SLC45A1: variants seen among roughly 807,000 people sequenced by gnomAD.
SLC45A1 encodes proton-associated sugar transporter A.
Under a neutral mutation model 57.6 loss-of-function variants are expected in SLC45A1, and 28 were observed. The ratio of observed to expected loss-of-function variants is 0.49; its 90% CI spans 0.36 to 0.67. SLC45A1 has a LOEUF of 0.67. Ranked by LOEUF, SLC45A1 falls within the 30% of genes least tolerant of loss-of-function variation. The pLI is 0.00. For synonymous variants in SLC45A1, 459 were observed against 471.5 expected, an observed-to-expected ratio of 0.97 and a Z score of 0.34; for missense variants, 814 against 1,041.5, an observed-to-expected ratio of 0.78 and a Z score of 3.01.
rs75155683 is a variant in SLC45A1, at chr1:8,318,588, G to A, written c.-25+402G>A. Among the ~76,000 whole-genome samples, 687 of 152,308 alleles carry A rather than the reference G, an allele frequency of 4.5e-3. 6 individuals carry two copies. The highest frequency in any genetic ancestry group is 0.016 in the African/African-American group (660 of 41,574). ...TCTTGTTGACCAGGGGCCTGGCAAC[G>A]CCCCTCAGCATCCCAGGGTTACTTA... is the stretch of plus-strand genomic sequence containing the variant. On this transcript the variant is annotated intron_variant, in intron 1 of 8. Coordinates refer to ENST00000471889, the MANE Select transcript of SLC45A1 (RefSeq NM_001080397.3).
chr1:8,332,786 C>T (rs994356190), intron 5 of SLC45A1, among the ~76,000 whole-genome samples: 14 of 152,274 alleles, frequency 9.2e-5, no homozygotes, highest in African/African-American at 3.4e-4. Context: ...GCTGGGATTA[C>T]AGGCGTGAGC....
rs561877226 is a variant in SLC45A1 at position 8,328,123 on chromosome 1, G to A, written c.715+2081G>A. On this transcript the variant is annotated intron_variant, in intron 4 of 8. Coordinates refer to ENST00000471889, the MANE Select transcript of SLC45A1 (RefSeq NM_001080397.3). This position sits in a 1 kb window ranked among gnomAD's most constrained non-coding sequence, Gnocchi z 4.6. Reference sequence around the variant, plus strand: ...TGATTGCCCACAGTCAGTTACAGATGGAACTCCTTCCTCTACTCTTTCCCC... The same window carrying A: ...TGATTGCCCACAGTCAGTTACAGATAGAACTCCTTCCTCTACTCTTTCCCC... The A allele has an allele frequency of 3.3e-5, 5 of 152,198 alleles. No homozygotes were observed. The highest frequency in any genetic ancestry group is 7.3e-5 in the Non-Finnish European group (5 of 68,050). The allele number at this position is 152,198 out of a possible 1,614,324, so 9.4% of individuals were successfully genotyped here.
In SLC45A1 at chr1:8,324,289, A is replaced by C; in HGVS notation, c.-24-17A>C. On this transcript the variant is annotated splice_polypyrimidine_tract_variant and intron_variant, in intron 1 of 8. Transcript: ENST00000471889. ...AGGCAAAAGTAACTGTGGCCTCCCC[A>C]CGGGCTTTCCTCACAGGGACGCCCA... 2.5e-6 allele frequency: 4 copies of C among 1,595,484 alleles called. No individual in the cohort carries two copies. In the South Asian group the frequency reaches 4.5e-5, roughly 18 times the overall value.
At chr1:8,331,099 G>C (rs1640392530) in intron 5 of SLC45A1, among the ~76,000 whole-genome samples, 163 bp downstream of exon 5, 1 of 152,184 alleles carries the variant, frequency 6.6e-6, no homozygotes, top group South Asian at 2.1e-4. Context: ...TTAGAGGCCA[G>C]GTGCGGTGGC....
Position 8,324,291 on chromosome 1 carries a change from G to C in SLC45A1, c.-24-15G>C. The C allele has an allele frequency of 6.3e-7, 1 of 1,596,518 alleles. No homozygotes were observed. The highest frequency in any genetic ancestry group is 1.3e-5 in the African/African-American group (1 of 74,682). ...GCAAAAGTAACTGTGGCCTCCCCAC[G>C]GGCTTTCCTCACAGGGACGCCCACC... is the stretch of plus-strand genomic sequence containing the variant. On this transcript the variant is annotated splice_polypyrimidine_tract_variant and intron_variant, in intron 1 of 8. Transcript: ENST00000471889.
At chr1:8,336,749 A>G (rs1004064323) in intron 6 of SLC45A1, among the ~76,000 whole-genome samples, 1 of 152,164 alleles carries the variant, frequency 6.6e-6, no homozygotes, top group Non-Finnish European at 1.5e-5. Flanking sequence ...CTATTTAATA[A>G]TTCTTGATGG....
intron 1 of SLC45A1, among the ~76,000 whole-genome samples, chr1:8,322,030 G>GATGA (rs1640029324): frequency 8.4e-6 from 1 of 119,340 alleles, no homozygotes; most frequent in Non-Finnish European, 1.8e-5. Flanking sequence ...TGGATGGATG[G>GATGA]GTGAGTGGGT....
At position 8,343,373 on chromosome 1, in the gene SLC45A1, C is replaced by T. The variant is rs867690461; in HGVS notation, c.1981-374C>T. ...AGGACTTTGGGGGTGTAGGGCAGGT[C>T]CCATCCTGGATGAAGGTGAAGGAGG... On this transcript the variant is annotated intron_variant, in intron 8 of 8. Transcript: ENST00000471889. This position sits in a 1 kb window ranked among gnomAD's most constrained non-coding sequence, Gnocchi z 7.7. Among the ~76,000 whole-genome samples, 1 of 152,088 alleles carries T rather than the reference C, an allele frequency of 6.6e-6. No individual in the cohort carries two copies. The highest frequency in any genetic ancestry group is 1.5e-5 in the Non-Finnish European group (1 of 68,020).
In SLC45A1 at chr1:8,327,936, CAGG is replaced by C. The variant is rs1277253388; in HGVS notation, c.715+1897_715+1899del. 6.6e-6 allele frequency: 1 copy of C among 152,226 alleles called. No homozygotes were observed. The highest frequency in any genetic ancestry group is 1.9e-4 in the East Asian group (1 of 5,202). The allele number at this position is 152,226 out of a possible 1,614,324, so 9.4% of individuals were successfully genotyped here. ...GTCCCAGCTACTCGGGAGGCTGAGG[CAGG>C]AGAATTGCTTGAACCCGGGAGGTGG... On this transcript the variant is annotated intron_variant, in intron 4 of 8. Coordinates refer to ENST00000471889, the MANE Select transcript of SLC45A1 (RefSeq NM_001080397.3). The surrounding 1 kb of genome is among the most constrained non-coding windows in gnomAD (Gnocchi z 4.3).
intron 1 of SLC45A1, among the ~76,000 whole-genome samples, chr1:8,321,874 G>A (rs1640016625): frequency 6.6e-6 from 1 of 151,364 alleles, no homozygotes; most frequent in Non-Finnish European, 1.5e-5. Context: ...AAGAGTGGCT[G>A]GTGGATGAAT....
chr1:8,343,982 A>G lies in SLC45A1; in HGVS notation c.2216A>G (p.Glu739Gly). Residue 739 changes from glutamate (E) to glycine (G), a missense_variant, in exon 9 of 9, where the codon GAG (glutamate) becomes GGG (glycine). Transcript: ENST00000471889. This position sits in a 1 kb window ranked among gnomAD's most constrained non-coding sequence, Gnocchi z 7.7. ...ATTCCTCCCAGCGACGCTGCAGACGAGGAGCACCGGCCCCTCCTGCTGAAC... is the reference window on the plus strand; with the variant it reads ...ATTCCTCCCAGCGACGCTGCAGACGGGGAGCACCGGCCCCTCCTGCTGAAC... ...YEIPPSDAADEEHRPLLLNV is the reference protein window; with the variant it reads ...YEIPPSDAADGEHRPLLLNV The G allele has an allele frequency of 5.0e-6, 8 of 1,612,972 alleles. No homozygotes were observed. The highest frequency in any genetic ancestry group is 6.8e-6 in the Non-Finnish European group (8 of 1,179,408).
rs143797861 is a variant in SLC45A1 at position 8,338,495 on chromosome 1, G to A, written c.1774+503G>A. ...CACAGTGCTGAGTTCACACCAGGGC[G>A]AAGCCGAGGTGCCATCCCCATGGGG... On this transcript the variant is annotated intron_variant, in intron 7 of 8. Transcript: ENST00000471889. 3.0e-3 allele frequency among the ~76,000 whole-genome samples: 450 copies of A among 152,390 alleles called. 3 individuals are homozygous for A. Among genetic ancestry groups the A allele is most frequent in the African/African-American group, 0.01 (425 of 41,598 alleles).
At position 8,337,816 on chromosome 1, in the gene SLC45A1, G is replaced by C. The variant is rs1640668520; in HGVS notation, c.1598G>C (p.Gly533Ala). The C allele has an allele frequency of 6.2e-7, 1 of 1,613,164 alleles. No individual in the cohort carries two copies. The highest frequency in any genetic ancestry group is 1.3e-5 in the African/African-American group (1 of 74,896). The change falls in exon 7 of 9, where the codon GGG becomes GCG. Residue 533 changes from glycine to alanine, a missense_variant and splice_region_variant. Gly to Ala is a moderately conservative substitution (Grantham distance 60). Coordinates refer to ENST00000471889, the MANE Select transcript of SLC45A1 (RefSeq NM_001080397.3). Reference sequence around the variant, plus strand: ...TCATGAACCTCTTTCTTTCTTCCAGGGTGGCTCTCATTCGAGGGGATGTTG... The same window carrying C: ...TCATGAACCTCTTTCTTTCTTCCAGCGTGGCTCTCATTCGAGGGGATGTTG... ...LRTLCVNHFLGWLSFEGMLLF... is the reference protein window; with the variant it reads ...LRTLCVNHFLAWLSFEGMLLF...
At position 8,324,312 on chromosome 1, in the gene SLC45A1, C is replaced by G; in HGVS notation, c.-18C>G. On this transcript the variant is annotated 5_prime_UTR_variant, in exon 2 of 9. Transcript: ENST00000471889. ...CCACGGGCTTTCCTCACAGGGACGC[C>G]CACCAGCCCTCCCCACGATGATCCC... The G allele has an allele frequency of 6.2e-7, 1 of 1,606,736 alleles. No homozygotes were observed. The highest frequency in any genetic ancestry group is 1.7e-5 in the Admixed American group (1 of 59,800).
intron 5 of SLC45A1, among the ~76,000 whole-genome samples, chr1:8,332,948 C>T (rs1422712032): frequency 6.6e-6 from 1 of 152,176 alleles, no homozygotes; most frequent in Non-Finnish European, 1.5e-5. Context: ...CCTACAAAGC[C>T]GAGTCTCGTT....
Position 8,325,755 on chromosome 1 carries a change from T to C in SLC45A1, c.491-63T>C. The C allele has an allele frequency of 6.9e-7, 1 of 1,459,574 alleles. No individual in the cohort carries two copies. Among genetic ancestry groups the C allele is most frequent in the Admixed American group, 1.8e-5 (1 of 56,124 alleles). 90.4% of individuals were successfully genotyped at this position (1,459,574 alleles called of 1,614,324 possible). On this transcript the variant is annotated intron_variant, in intron 3 of 8. Transcript: ENST00000471889. The surrounding 1 kb of genome is among the most constrained non-coding windows in gnomAD (Gnocchi z 6.3). ...TCCTAAAGATTCTAGACATAAGTCG[T>C]GAGCTGCCGGGGACAGAGCTGGTCT... is the stretch of plus-strand genomic sequence containing the variant.
In SLC45A1 at chr1:8,326,709, T is replaced by A. The variant is rs1158278826; in HGVS notation, c.715+667T>A. ...AAACTCTTGTTTCGGCCAGGCACAGTGGCTCATGCCTGTAATCCCAGCACT... is the reference window on the plus strand; with the variant it reads ...AAACTCTTGTTTCGGCCAGGCACAGAGGCTCATGCCTGTAATCCCAGCACT... On this transcript the variant is annotated intron_variant, in intron 4 of 8. Transcript: ENST00000471889. The surrounding 1 kb of genome is among the most constrained non-coding windows in gnomAD (Gnocchi z 5.5). 6.6e-6 allele frequency among the ~76,000 whole-genome samples: 1 copy of A among 152,224 alleles called. No homozygotes were observed. The highest frequency in any genetic ancestry group is 2.4e-5 in the African/African-American group (1 of 41,460).
rs1477851744 is a variant in SLC45A1, at chr1:8,318,129, G to GCGGC, written c.-78_-75dup. The GCGGC allele has an allele frequency of 2.1e-6, 1 of 467,946 alleles. No individual in the cohort carries two copies. The highest frequency in any genetic ancestry group is 3.9e-6 in the Non-Finnish European group (1 of 257,766). The allele number at this position is 467,946 out of a possible 1,614,324, so 29.0% of individuals were successfully genotyped here. On this transcript the variant is annotated 5_prime_UTR_variant, in exon 1 of 9. Coordinates refer to ENST00000471889, the MANE Select transcript of SLC45A1 (RefSeq NM_001080397.3). ...GGGTGATGCTGCAGCAGCCGGGACC[G>GCGGC]CGGCCGGGCAGGCAGCAGCCCAGCG...
At position 8,330,944 on chromosome 1, in the gene SLC45A1, C is replaced by G. The variant is rs973021594; in HGVS notation, c.1443+8C>G. 6.4e-7 allele frequency: 1 copy of G among 1,573,398 alleles called. No homozygotes were observed. The highest frequency in any genetic ancestry group is 1.3e-5 in the African/African-American group (1 of 74,110). On this transcript the variant is annotated splice_region_variant and intron_variant, in intron 5 of 8. Coordinates refer to ENST00000471889, the MANE Select transcript of SLC45A1 (RefSeq NM_001080397.3). The surrounding 1 kb of genome is among the most constrained non-coding windows in gnomAD (Gnocchi z 8.4). ...GTGACCTTCAGTCAGCAGGTAACAGCAAATGTCGGGGGAGCTGAGGCTCAG... is the reference window on the plus strand; with the variant it reads ...GTGACCTTCAGTCAGCAGGTAACAGGAAATGTCGGGGGAGCTGAGGCTCAG...
Sources: gnomAD v4.1 joint callset for allele counts (sites outside exome capture counted in the v4.1 genomes callset) on GRCh38, gnomAD v4.1.1 for gene constraint, Gnocchi (gnomAD v3.1) non-coding constraint, MANE v1.5 for transcripts, NCBI Gene and HGNC (gene_info 2026-07-23, HGNC 2026-07-21) for gene names.